TOP1: variants seen among roughly 807,000 people sequenced by gnomAD.
TOP1 encodes the protein DNA topoisomerase I.
Under a neutral mutation model 111.1 loss-of-function variants are expected in TOP1, and 10 were observed. The ratio of observed to expected loss-of-function variants is 0.09; its 90% CI spans 0.06 to 0.15. The LOEUF (loss-of-function observed/expected upper bound fraction) is 0.15, where lower values mean the gene tolerates loss of function less well. Among genes scored for constraint, TOP1 ranks in the 10% least tolerant of loss-of-function variants. The probability of loss-of-function intolerance (pLI) is 1.00; values close to 1 mark genes in which losing one functional copy is unlikely to be tolerated. For missense variants in TOP1, 474 were observed against 926.7 expected, an observed-to-expected ratio of 0.51 and a Z score of 6.34; for synonymous variants, 271 against 302.9, an observed-to-expected ratio of 0.89 and a Z score of 1.10.
chr20:41,053,653 G>A (rs1390133747), intron 2 of TOP1, among the ~76,000 whole-genome samples: 1 of 152,164 alleles, frequency 6.6e-6, no homozygotes, highest in East Asian at 1.9e-4. Flanking sequence ...AAATACAGGA[G>A]CATTATGATG....
chr20:41,098,458 A>T lies in TOP1; in HGVS notation c.975+121A>T. On this transcript the variant is annotated intron_variant, in intron 11 of 20. Coordinates refer to ENST00000361337, the MANE Select transcript of TOP1 (RefSeq NM_003286.4). The surrounding 1 kb of genome is among the most constrained non-coding windows in gnomAD (Gnocchi z 5.7). ...GTAATTTCACATCATTCTATGCTAA[A>T]GACTTAGAGTTCTCAAAGTCTAAAT... The T allele has an allele frequency of 1.8e-6, 2 of 1,137,066 alleles. No homozygotes were observed. Among genetic ancestry groups the T allele is most frequent in the South Asian group, 3.2e-5 (2 of 62,822 alleles). 70.4% of individuals were successfully genotyped at this position (1,137,066 alleles called of 1,614,324 possible).
chr20:41,056,040 C>T lies in TOP1; in HGVS notation c.59-5354C>T, dbSNP rs147359007. Among the ~76,000 whole-genome samples the T allele has an allele frequency of 4.2e-3, 640 of 152,304 alleles. 3 individuals carry two copies. The highest frequency in any genetic ancestry group is 0.014 in the African/African-American group (565 of 41,564). On this transcript the variant is annotated intron_variant, in intron 2 of 20. Coordinates refer to ENST00000361337, the MANE Select transcript of TOP1 (RefSeq NM_003286.4). ...GTCTGTCACTCAGCTTCAGTAATTA[C>T]CAACCTTTTGCCAGTTGAATTTTGT...
chr20:41,081,560 A>G (rs1207896708), intron 7 of TOP1, among the ~76,000 whole-genome samples: 1 of 152,230 alleles, frequency 6.6e-6, no homozygotes, highest in Non-Finnish European at 1.5e-5. Flanking sequence ...TGTTAACAAG[A>G]AACCACATTT....
chr20:41,044,269 C>A (rs556450119), intron 2 of TOP1, among the ~76,000 whole-genome samples: 1 of 152,004 alleles, frequency 6.6e-6, no homozygotes, highest in African/African-American at 2.4e-5. Flanking sequence ...GAGCAAAACT[C>A]CTTCTCAAAA....
chr20:41,051,188 C>CAT (rs2033401174), intron 2 of TOP1, among the ~76,000 whole-genome samples: 1 of 152,062 alleles, frequency 6.6e-6, no homozygotes. Context: ...GTAACTATGC[C>CAT]ACACCTCCAT....
rs1293726703 is a variant in TOP1, at chr20:41,122,313, C to T, written c.2195+158C>T. Among the ~76,000 whole-genome samples, 1 of 152,202 alleles carries T rather than the reference C, an allele frequency of 6.6e-6. No homozygotes were observed. Among genetic ancestry groups the T allele is most frequent in the Non-Finnish European group, 1.5e-5 (1 of 68,038 alleles). ...AGCTGTGTACAAGTTACTCTGGTTG[C>T]TGAACCTTGTCTGTAAATGCATTGC... On this transcript the variant is annotated intron_variant, in intron 20 of 20. Transcript: ENST00000361337. This position sits in a 1 kb window ranked among gnomAD's most constrained non-coding sequence, Gnocchi z 5.4.
intron 3 of TOP1, among the ~76,000 whole-genome samples, chr20:41,070,518 T>C (rs929780985): frequency 2.6e-5 from 4 of 152,234 alleles, no homozygotes; most frequent in Non-Finnish European, 5.9e-5. Flanking sequence ...GCTGCGCTCT[T>C]TTCCCAGAGG....
rs1446017170 is a variant in TOP1 at position 41,109,274 on chromosome 20, A to G, written c.1309-3508A>G. Among the ~76,000 whole-genome samples the G allele has an allele frequency of 6.6e-6, 1 of 152,172 alleles. No homozygotes were observed. Among genetic ancestry groups the G allele is most frequent in the Admixed American group, 6.5e-5 (1 of 15,276 alleles). ...ACACAAGCTCATTAAAAATATATAT[A>G]TATTCTGAGCCTGGCATCTTGGTAT... On this transcript the variant is annotated intron_variant, in intron 13 of 20. Coordinates refer to ENST00000361337, the MANE Select transcript of TOP1 (RefSeq NM_003286.4). This position sits in a 1 kb window ranked among gnomAD's most constrained non-coding sequence, Gnocchi z 4.1.
rs774551028 is a variant in TOP1 at position 41,123,217 on chromosome 20, A to G, written c.2218A>G (p.Ile740Val). 7.4e-6 allele frequency: 12 copies of G among 1,613,920 alleles called. No homozygotes were observed. Among genetic ancestry groups the G allele is most frequent in the South Asian group, 3.3e-5 (3 of 91,072 alleles). ...VAWCKKWGVP[I>V]EKIYNKTQRE... The stretch of plus-strand genomic sequence containing the variant: ...CAGGTGCAAGAAGTGGGGTGTCCCA[A>G]TTGAGAAGATTTACAACAAAACCCA... The change falls in exon 21 of 21, where the codon ATT becomes GTT. Residue 740 changes from isoleucine (I) to valine (V), a missense_variant. Physicochemically the swap from Ile to Val is conservative, Grantham distance 29. Around this residue, in one of 14 missense-constraint regions of TOP1, gnomAD observed 26 missense variants for 81.8 expected, o/e 0.32. Coordinates refer to ENST00000361337, the MANE Select transcript of TOP1 (RefSeq NM_003286.4). This position sits in a 1 kb window ranked among gnomAD's most constrained non-coding sequence, Gnocchi z 5.8.
intron 3 of TOP1, among the ~76,000 whole-genome samples, chr20:41,066,267 G>A (rs1437309116): frequency 6.6e-6 from 1 of 151,522 alleles, no homozygotes; most frequent in Non-Finnish European, 1.5e-5. Flanking sequence ...AAAAAAAAAG[G>A]GATGTGATTT....
Position 41,080,825 on chromosome 20 carries a change from C to T in TOP1, c.432-340C>T, listed in dbSNP as rs538374907. On this transcript the variant is annotated intron_variant, in intron 6 of 20. Transcript: ENST00000361337. The surrounding 1 kb of genome is among the most constrained non-coding windows in gnomAD (Gnocchi z 5.0). ...TAGCTAGTGTGCTGTGTGTTTGGTTCCCAAACTTTCATCTTTTATTTTTAT... is the reference window on the plus strand; with the variant it reads ...TAGCTAGTGTGCTGTGTGTTTGGTTTCCAAACTTTCATCTTTTATTTTTAT... Among the ~76,000 whole-genome samples, 1 of 152,060 alleles carries T rather than the reference C, an allele frequency of 6.6e-6. No homozygotes were observed. The highest frequency in any genetic ancestry group is 2.1e-4 in the South Asian group (1 of 4,802).
chr20:41,040,286 A>G (rs970967670), intron 2 of TOP1, among the ~76,000 whole-genome samples: 27 of 152,376 alleles, frequency 1.8e-4, no homozygotes, highest in Non-Finnish European at 3.1e-4. Context: ...AATACTAGAA[A>G]AGTGATCGGG....
intron 5 of TOP1, 45 bp downstream of exon 5, chr20:41,077,682 A>G: frequency 6.4e-7 from 1 of 1,562,900 alleles, no homozygotes; most frequent in South Asian, 1.1e-5. Context: ...CTGGGTGGAC[A>G]GCAGGCCAGC....
At chr20:41,039,728 G>A (rs2033236442) in intron 2 of TOP1, among the ~76,000 whole-genome samples, 1 of 152,010 alleles carries the variant, frequency 6.6e-6, no homozygotes, top group African/African-American at 2.4e-5. Flanking sequence ...CTAACACGGC[G>A]AAACCCCGTC....
chr20:41,116,464 C>G lies in TOP1; in HGVS notation c.1822+72C>G, dbSNP rs73909149. On this transcript the variant is annotated intron_variant, in intron 17 of 20. Coordinates refer to ENST00000361337, the MANE Select transcript of TOP1 (RefSeq NM_003286.4). The surrounding 1 kb of genome is among the most constrained non-coding windows in gnomAD (Gnocchi z 5.6). ...TCCGGTGACCTTGCTTATCTAAGGC[C>G]TAGAGTCAGTTCTACTTTTTTTCCC... is the stretch of plus-strand genomic sequence containing the variant. The G allele has an allele frequency of 1.5e-3, 1,824 of 1,216,942 alleles. 14 individuals carry two copies. The African/African-American group carries it at 0.024, about 16-fold the overall frequency. 75.4% of individuals were successfully genotyped at this position (1,216,942 alleles called of 1,614,324 possible).
At position 41,074,916 on chromosome 20, in the gene TOP1, T is replaced by C. The variant is rs2033708182; in HGVS notation, c.156-1255T>C. Among the ~76,000 whole-genome samples, 4 of 152,262 alleles carry C rather than the reference T, an allele frequency of 2.6e-5. No individual in the cohort carries two copies. The South Asian group carries it at 8.3e-4, about 31-fold the overall frequency. Reference sequence around the variant, plus strand: ...ACAACTTGTGGTTTTTGCTTATTGCTTCTTTAGTCTTTGACCACATGCATG... The same window carrying C: ...ACAACTTGTGGTTTTTGCTTATTGCCTCTTTAGTCTTTGACCACATGCATG... On this transcript the variant is annotated intron_variant, in intron 3 of 20. Coordinates refer to ENST00000361337, the MANE Select transcript of TOP1 (RefSeq NM_003286.4).
intron 8 of TOP1, among the ~76,000 whole-genome samples, chr20:41,089,869 T>A (rs939411517): frequency 1.3e-5 from 2 of 152,238 alleles, no homozygotes; most frequent in Non-Finnish European, 2.9e-5. Flanking sequence ...TTGATTGGTA[T>A]TTTCCTAATG....
chr20:41,057,730 G>C (rs984263471), intron 2 of TOP1, among the ~76,000 whole-genome samples: 59 of 152,118 alleles, frequency 3.9e-4, no homozygotes, highest in Non-Finnish European at 2.2e-4. Context: ...ATTATACACA[G>C]AGTAGTTTTT....
chr20:41,086,133 C>T (rs1421581235), intron 8 of TOP1, among the ~76,000 whole-genome samples: 2 of 151,944 alleles, frequency 1.3e-5, no homozygotes, highest in East Asian at 1.9e-4. Flanking sequence ...CGTGGTGGTG[C>T]GCACCTGTAG....
Sources: gnomAD v4.1 joint callset for allele counts (sites outside exome capture counted in the v4.1 genomes callset) on GRCh38, gnomAD v4.1.1 for gene constraint, gnomAD v4.1.1 regional missense constraint, Gnocchi (gnomAD v3.1) non-coding constraint, MANE v1.5 for transcripts, NCBI Gene and HGNC (gene_info 2026-07-23, HGNC 2026-07-21) for gene names.